The following RYR2 variants were observed in gnomAD, a reference collection of about 807,000 sequenced individuals.
The protein encoded by RYR2 is ryanodine receptor 2.
A neutral mutation model predicts 601.1 loss-of-function variants in RYR2; 227 were observed. The ratio of observed to expected loss-of-function variants is 0.38; its 90% confidence interval spans 0.34 to 0.42. RYR2 has a LOEUF of 0.42. RYR2 is among the 10% of genes least tolerant of loss of function. The pLI, the probability that RYR2 is intolerant of heterozygous loss-of-function variation, is 1.00. For missense variants in RYR2, 4,646 were observed against 6,156.5 expected, an observed-to-expected ratio of 0.75 and a Z score of 8.21; for synonymous variants, 2,223 against 2,175.1, an observed-to-expected ratio of 1.02 and a Z score of -0.61.
intron 1 of RYR2, among the ~76,000 whole-genome samples, chr1:237,165,642 C>T (rs772926617): frequency 5.3e-5 from 8 of 152,162 alleles, no homozygotes; most frequent in South Asian, 2.1e-4. Flanking sequence ...AGTAGAAGGA[C>T]GGGTTGAGAC....
intron 1 of RYR2, among the ~76,000 whole-genome samples, chr1:237,065,212 A>G (rs1479020383): frequency 6.7e-6 from 1 of 149,970 alleles, no homozygotes; most frequent in Non-Finnish European, 1.5e-5. Flanking sequence ...TCATGTAATG[A>G]CCACTGCAAT....
chr1:237,744,635 G>A (rs1406465935), intron 80 of RYR2, among the ~76,000 whole-genome samples: 1 of 150,954 alleles, frequency 6.6e-6, no homozygotes, highest in South Asian at 2.1e-4. Context: ...CAGCCTGGGC[G>A]ACAAGAGTGA....
intron 62 of RYR2, among the ~76,000 whole-genome samples, chr1:237,684,330 T>C (rs1258230238): frequency 1.3e-5 from 2 of 152,042 alleles, no homozygotes; most frequent in Non-Finnish European, 2.9e-5. Context: ...TTCCTAACTT[T>C]AATAAATTTA....
intron 3 of RYR2, among the ~76,000 whole-genome samples, chr1:237,337,251 C>CA (rs1402777135): frequency 0.13 from 8,674 of 64,872 alleles, 611 homozygotes; most frequent in African/African-American, 0.24. Context: ...GTATCCATCT[C>CA]AAAAAAAAAA....
intron 12 of RYR2, among the ~76,000 whole-genome samples, chr1:237,431,656 G>T (rs904597488): frequency 6.6e-6 from 1 of 151,802 alleles, no homozygotes; most frequent in South Asian, 2.1e-4. Flanking sequence ...TCTATATATT[G>T]CTGACTACTT....
intron 1 of RYR2, among the ~76,000 whole-genome samples, chr1:237,246,731 C>G (rs913183713): frequency 1.3e-5 from 2 of 149,436 alleles, no homozygotes; most frequent in African/African-American, 4.9e-5. Flanking sequence ...TCTTCCTCTC[C>G]TTTCATATAT....
At chr1:237,417,265 T>C in intron 11 of RYR2, 142 bp downstream of exon 11, 1 of 637,828 alleles carries the variant, frequency 1.6e-6, no homozygotes, top group Non-Finnish European at 2.8e-6. Context: ...GGACAGTTTC[T>C]CTTTTGTCTA....
chr1:237,367,516 C>G lies in RYR2; in HGVS notation c.310-2018C>G, dbSNP rs115755949. On this transcript the variant is annotated intron_variant, in intron 5 of 104. Coordinates refer to ENST00000366574, the MANE Select transcript of RYR2 (RefSeq NM_001035.3). ...TATTTTGAGAAACTATATGGAACAA[C>G]AAGAATGTGATATTTGTTTAATAAA... 7.7e-3 allele frequency among the ~76,000 whole-genome samples: 1,172 copies of G among 152,202 alleles called. 16 individuals carry two copies. The highest frequency in any genetic ancestry group is 0.027 in the African/African-American group (1,110 of 41,528).
At chr1:237,394,940 G>A (rs886730417) in intron 10 of RYR2, among the ~76,000 whole-genome samples, 2 of 152,166 alleles carry the variant, frequency 1.3e-5, no homozygotes, top group Admixed American at 6.5e-5. Flanking sequence ...CATGTTTTAC[G>A]TGGCTGGAGG....
At chr1:237,108,839 T>G (rs1980798) in intron 1 of RYR2, among the ~76,000 whole-genome samples, 77,042 of 152,080 alleles carry the variant, frequency 0.51, 19,900 homozygotes, top group Admixed American at 0.63. Context: ...TTTTGCACTT[T>G]TGGTATTTCT....
rs1025784736 is a variant in RYR2, at chr1:237,398,274, A to C, written c.773+10091A>C. 2.0e-5 allele frequency among the ~76,000 whole-genome samples: 3 copies of C among 152,228 alleles called. No individual in the cohort carries two copies. The East Asian group carries it at 5.8e-4, about 29-fold the overall frequency. Reference sequence around the variant, plus strand: ...TATTTTTATTTTACAATTGAATCTCATCAACAGGAGAAAGTGTGTTTTGCT... The same window carrying C: ...TATTTTTATTTTACAATTGAATCTCCTCAACAGGAGAAAGTGTGTTTTGCT... On this transcript the variant is annotated intron_variant, in intron 10 of 104. Transcript: ENST00000366574.
chr1:237,548,531 G>A lies in RYR2; in HGVS notation c.3007G>A (p.Ala1003Thr). ...EAMVDKLAENAHNVWARDRIR... is the reference protein window; with the variant it reads ...EAMVDKLAENTHNVWARDRIR... The stretch of plus-strand genomic sequence containing the variant: ...AATGGTGGACAAGTTGGCAGAAAAT[G>A]CACATAATGTGTGGGCGCGGGATCG... The change falls in exon 26 of 105, where the codon GCA becomes ACA. Residue 1003 changes from alanine (A) to threonine (T), a missense_variant. Ala to Thr is a moderately conservative substitution (Grantham distance 58). Coordinates refer to ENST00000366574, the MANE Select transcript of RYR2 (RefSeq NM_001035.3). The A allele has an allele frequency of 6.2e-7, 1 of 1,614,024 alleles. No individual in the cohort carries two copies. Among genetic ancestry groups the A allele is most frequent in the Non-Finnish European group, 8.5e-7 (1 of 1,179,890 alleles).
intron 24 of RYR2, among the ~76,000 whole-genome samples, chr1:237,516,520 G>A (rs10925438): frequency 0.33 from 49,914 of 151,882 alleles, 8,356 homozygotes; most frequent in Middle Eastern, 0.45. Flanking sequence ...ACTCCACTCC[G>A]TGACTTAATT....
intron 37 of RYR2, among the ~76,000 whole-genome samples, chr1:237,616,577 A>G (rs563029093): frequency 1.3e-5 from 2 of 152,168 alleles, no homozygotes; most frequent in Admixed American, 6.5e-5. Flanking sequence ...ACCCAGTTAC[A>G]CTCATTTTGA....
At chr1:237,829,631 T>G (rs1663551897) in intron 102 of RYR2, among the ~76,000 whole-genome samples, 1 of 152,162 alleles carries the variant, frequency 6.6e-6, no homozygotes, top group African/African-American at 2.4e-5. Flanking sequence ...CCCCAGTTGC[T>G]CAATGTGACC....
intron 99 of RYR2, among the ~76,000 whole-genome samples, chr1:237,808,215 C>T: frequency 6.6e-6 from 1 of 152,132 alleles, no homozygotes; most frequent in East Asian, 1.9e-4. Flanking sequence ...TATATTATAC[C>T]TTATTACTAG....
At chr1:237,171,053 T>C (rs772852052) in intron 1 of RYR2, among the ~76,000 whole-genome samples, 1 of 151,902 alleles carries the variant, frequency 6.6e-6, no homozygotes, top group Non-Finnish European at 1.5e-5. Context: ...GCTAACACAG[T>C]GAAACCCCGT....
intron 22 of RYR2, among the ~76,000 whole-genome samples, chr1:237,504,783 T>A (rs1376789531): frequency 6.6e-6 from 1 of 152,182 alleles, no homozygotes; most frequent in East Asian, 1.9e-4. Context: ...CCAACCTTTT[T>A]GGCACTAGGT....
At chr1:237,113,136 T>C (rs1669686167) in intron 1 of RYR2, among the ~76,000 whole-genome samples, 1 of 152,228 alleles carries the variant, frequency 6.6e-6, no homozygotes, top group East Asian at 1.9e-4. Context: ...GGGGGCTTTT[T>C]TCCCCTCCAT....
Sources: allele counts gnomAD v4.1 joint callset (sites outside exome capture counted in the v4.1 genomes callset), GRCh38; gene constraint gnomAD v4.1.1; transcripts MANE v1.5; gene names NCBI Gene and HGNC (gene_info 2026-07-23, HGNC 2026-07-21).